SEMA5A: variants seen among roughly 807,000 people sequenced by gnomAD.
The protein encoded by SEMA5A is semaphorin 5A, also known as semaphorin-5A.
SEMA5A carries 55 observed loss-of-function variants against 135.5 expected under a neutral mutation model. The ratio of observed to expected loss-of-function variants is 0.41; its 90% confidence interval spans 0.33 to 0.51. The LOEUF (loss-of-function observed/expected upper bound fraction) is 0.51, where lower values mean the gene tolerates loss of function less well. Among genes scored for constraint, SEMA5A ranks in the 20% least tolerant of loss-of-function variants. SEMA5A has a pLI of 0.37. For synonymous variants in SEMA5A, 580 were observed against 546.5 expected, an observed-to-expected ratio of 1.06 and a Z score of -0.85; for missense variants, 1,290 against 1,419.9, an observed-to-expected ratio of 0.91 and a Z score of 1.47.
intron 11 of SEMA5A, among the ~76,000 whole-genome samples, chr5:9,180,654 A>G (rs1231199050): frequency 1.3e-5 from 2 of 152,196 alleles, no homozygotes; most frequent in African/African-American, 2.4e-5. Flanking sequence ...TCTGGTACCC[A>G]GAAGGGTATC....
chr5:9,273,472 T>C (rs1222121984), intron 5 of SEMA5A, among the ~76,000 whole-genome samples: 1 of 151,942 alleles, frequency 6.6e-6, no homozygotes, highest in African/African-American at 2.4e-5. Context: ...ACATTCAAAT[T>C]CAGGAAATAC....
intron 13 of SEMA5A, among the ~76,000 whole-genome samples, chr5:9,135,415 T>C (rs6882228): frequency 0.11 from 17,381 of 151,818 alleles, 1,494 homozygotes; most frequent in East Asian, 0.3. Flanking sequence ...TCTCCTGACC[T>C]TGTGATCCAC....
At chr5:9,390,781 A>G (rs1218932996) in intron 2 of SEMA5A, among the ~76,000 whole-genome samples, 1 of 152,220 alleles carries the variant, frequency 6.6e-6, no homozygotes, top group Non-Finnish European at 1.5e-5. Context: ...AAAATTACCA[A>G]GACATATCAT....
chr5:9,301,874 C>A (rs532381950), intron 5 of SEMA5A, among the ~76,000 whole-genome samples: 1 of 152,222 alleles, frequency 6.6e-6, no homozygotes, highest in Non-Finnish European at 1.5e-5. Context: ...ACTTTATTCT[C>A]TCACAGTTCT....
Position 9,272,755 on chromosome 5 carries a change from G to A in SEMA5A, c.271-34865C>T, listed in dbSNP as rs112833249. Among the ~76,000 whole-genome samples the A allele has an allele frequency of 2.0e-4, 30 of 152,212 alleles. 1 individual carries two copies. In the East Asian group the frequency reaches 2.7e-3, roughly 14 times the overall value. On this transcript the variant is annotated intron_variant, in intron 5 of 22. Coordinates refer to ENST00000382496, the MANE Select transcript of SEMA5A (RefSeq NM_003966.3). Reference sequence around the variant, plus strand: ...GTGGACCTCCAGCAAACTCCAACACGCCTGCAGAAGAGGGGCCTGAATGTT... The same window carrying A: ...GTGGACCTCCAGCAAACTCCAACACACCTGCAGAAGAGGGGCCTGAATGTT...
At chr5:9,080,461 G>A (rs1738314130) in intron 16 of SEMA5A, among the ~76,000 whole-genome samples, 1 of 151,498 alleles carries the variant, frequency 6.6e-6, no homozygotes, top group Non-Finnish European at 1.5e-5. Context: ...GTTGATGGGT[G>A]CAGCAAACCA....
At chr5:9,297,252 G>A (rs1418239133) in intron 5 of SEMA5A, among the ~76,000 whole-genome samples, 2 of 150,456 alleles carry the variant, frequency 1.3e-5, no homozygotes, top group African/African-American at 2.5e-5. Context: ...TTTTTCTATC[G>A]ACTCAAATAT....
At chr5:9,353,356 A>AAGGGAC in intron 3 of SEMA5A, among the ~76,000 whole-genome samples, 1 of 101,420 alleles carries the variant, frequency 9.9e-6, no homozygotes, top group Non-Finnish European at 2.3e-5. Flanking sequence ...AGGAAAGGGA[A>AAGGGAC]GGAAAGGAAA....
At chr5:9,080,286 ACTAACACAAGAACAGAAAAC>A (rs1738304351) in intron 16 of SEMA5A, among the ~76,000 whole-genome samples, 1 of 152,200 alleles carries the variant, frequency 6.6e-6, no homozygotes, top group Admixed American at 6.5e-5. Flanking sequence ...TTCTCAGCAA[ACTAACACAAGAACAGAAAAC>A]CTAACACCAC....
intron 1 of SEMA5A, among the ~76,000 whole-genome samples, chr5:9,522,182 G>A (rs1736870246): frequency 6.6e-6 from 1 of 152,160 alleles, no homozygotes; most frequent in Non-Finnish European, 1.5e-5. Flanking sequence ...CATGTAGAAA[G>A]GCAAGATCGG....
intron 1 of SEMA5A, among the ~76,000 whole-genome samples, chr5:9,524,571 A>G (rs1030293262): frequency 5.9e-5 from 9 of 152,146 alleles, no homozygotes; most frequent in African/African-American, 9.7e-5. Context: ...TAACAACTTG[A>G]TTTCAGACTT....
intron 1 of SEMA5A, among the ~76,000 whole-genome samples, chr5:9,491,323 G>A (rs980141122): frequency 2.6e-5 from 4 of 152,098 alleles, no homozygotes; most frequent in African/African-American, 9.7e-5. Flanking sequence ...GTGGATGCAT[G>A]TCATTACACA....
intron 2 of SEMA5A, among the ~76,000 whole-genome samples, chr5:9,423,350 A>T (rs1327581633): frequency 1.3e-5 from 2 of 152,204 alleles, no homozygotes; most frequent in Non-Finnish European, 2.9e-5. Context: ...ACTTATCCTT[A>T]GTTATCTGTT....
At chr5:9,064,414 C>A (rs77198742) in intron 17 of SEMA5A, among the ~76,000 whole-genome samples, 2 of 152,108 alleles carry the variant, frequency 1.3e-5, no homozygotes, top group Non-Finnish European at 2.9e-5. Context: ...TGATGATAGA[C>A]TGGATAAAGA....
intron 1 of SEMA5A, among the ~76,000 whole-genome samples, chr5:9,478,317 C>T (rs1759748443): frequency 6.6e-6 from 1 of 152,226 alleles, no homozygotes; most frequent in Non-Finnish European, 1.5e-5. Flanking sequence ...AGGCCCCATA[C>T]AGAATCCCCG....
At chr5:9,352,093 T>C (rs1579393979) in intron 3 of SEMA5A, among the ~76,000 whole-genome samples, 1 of 31,842 alleles carries the variant, frequency 3.1e-5, no homozygotes, top group Non-Finnish European at 1.4e-4. Flanking sequence ...ATGTAACAGG[T>C]CGGGGGGGTT....
chr5:9,299,189 G>A (rs1214847930), intron 5 of SEMA5A, among the ~76,000 whole-genome samples: 1 of 152,178 alleles, frequency 6.6e-6, no homozygotes, highest in African/African-American at 2.4e-5. Flanking sequence ...GGCCCTTAGA[G>A]ATCATCTATT....
chr5:9,227,550 A>ATT (rs1417326164), intron 6 of SEMA5A, among the ~76,000 whole-genome samples: 1 of 40,438 alleles, frequency 2.5e-5, no homozygotes, highest in East Asian at 7.0e-4. Context: ...TATCTATATG[A>ATT]ATTTTTTTTT....
rs1297031673 is a variant in SEMA5A at position 9,113,757 on chromosome 5, T to C, written c.1925+5241A>G. Among the ~76,000 whole-genome samples, 3 of 152,128 alleles carry C rather than the reference T, an allele frequency of 2.0e-5. No individual in the cohort carries two copies. In the East Asian group the frequency reaches 5.8e-4, roughly 29 times the overall value. On this transcript the variant is annotated intron_variant, in intron 15 of 22. Coordinates refer to ENST00000382496, the MANE Select transcript of SEMA5A (RefSeq NM_003966.3). ...AATCAAAACCACAATGAGATACCAG[T>C]TCATACCTACTAGGATGGATAAAAT...
Sources: allele counts gnomAD v4.1 joint callset (sites outside exome capture counted in the v4.1 genomes callset), GRCh38; gene constraint gnomAD v4.1.1; transcripts MANE v1.5; gene names NCBI Gene and HGNC (gene_info 2026-07-23, HGNC 2026-07-21).